Variants in NFAT5 observed in about 807,000 individuals in gnomAD.
The protein encoded by NFAT5 is nuclear factor of activated T-cells 5.
In NFAT5, 31 loss-of-function variants were observed where a neutral mutation model predicts 166.5. The ratio of observed to expected loss-of-function variants is 0.19; its 90% CI spans 0.14 to 0.25. The LOEUF (loss-of-function observed/expected upper bound fraction) is 0.25. Ranked by LOEUF, NFAT5 falls within the 10% of genes least tolerant of loss-of-function variation. The pLI, the probability that NFAT5 is intolerant of heterozygous loss-of-function variation, is 1.00. For synonymous variants in NFAT5, 612 were observed against 639.7 expected, an observed-to-expected ratio of 0.96 and a Z score of 0.65; for missense variants, 1,449 against 1,821.8, an observed-to-expected ratio of 0.80 and a Z score of 3.72.
rs934156472 is a variant in NFAT5, at chr16:69,700,414, A to T, written c.*4063A>T. 7.9e-5 allele frequency: 12 copies of T among 152,198 alleles called. No individual in the cohort carries two copies. The highest frequency in any genetic ancestry group is 1.6e-4 in the Non-Finnish European group (11 of 68,036). 9.4% of individuals were successfully genotyped at this position (152,198 alleles called of 1,614,324 possible). ...TTTTTGACCATTTAAGCCTTTATAAATGCGTTTTGACCATTTAAGCCTTTA... is the reference window on the plus strand; with the variant it reads ...TTTTTGACCATTTAAGCCTTTATAATTGCGTTTTGACCATTTAAGCCTTTA... On this transcript the variant is annotated 3_prime_UTR_variant, in exon 15 of 15. Coordinates refer to ENST00000349945, the MANE Select transcript of NFAT5 (RefSeq NM_138713.4).
At chr16:69,608,865 T>C (rs2033559802) in intron 2 of NFAT5, among the ~76,000 whole-genome samples, 1 of 151,020 alleles carries the variant, frequency 6.6e-6, no homozygotes, top group African/African-American at 2.4e-5. Context: ...CTCACGCCTG[T>C]AATTCCAGCA....
intron 8 of NFAT5, 54 bp from the exon 9 acceptor site, chr16:69,670,182 C>G (rs750838989): frequency 4.4e-4 from 695 of 1,569,720 alleles, no homozygotes; most frequent in Non-Finnish European, 5.7e-4. Flanking sequence ...GTCATAGCTA[C>G]AGAGTAAAAA....
chr16:69,692,580 C>A lies in NFAT5; in HGVS notation c.2755C>A (p.Gln919Lys). 6.2e-7 allele frequency: 1 copy of A among 1,614,206 alleles called. No homozygotes were observed. Among genetic ancestry groups the A allele is most frequent in the Non-Finnish European group, 8.5e-7 (1 of 1,180,034 alleles). ...ESSAAMVMEM[Q>K]QSICQAAAQI... ...TTCAGCCGCAATGGTGATGGAGATG[C>A]AACAGAGTATCTGCCAGGCAGCTGC... Residue 919 changes from glutamine (Q) to lysine (K), a missense_variant, in exon 13 of 15, where the codon CAA becomes AAA. Physicochemically the swap from Gln to Lys is moderately conservative, Grantham distance 53. Around this residue, in one of 7 missense-constraint regions of NFAT5, gnomAD observed 891 missense variants for 993.0 expected, o/e 0.90. Coordinates refer to ENST00000349945, the MANE Select transcript of NFAT5 (RefSeq NM_138713.4).
At position 69,702,267 on chromosome 16, in the gene NFAT5, A is replaced by G. The variant is rs1051713337; in HGVS notation, c.*5916A>G. 2.0e-5 allele frequency: 3 copies of G among 152,596 alleles called. No individual in the cohort carries two copies. The highest frequency in any genetic ancestry group is 2.9e-5 in the Non-Finnish European group (2 of 68,026). 9.5% of individuals were successfully genotyped at this position (152,596 alleles called of 1,614,324 possible). A position where few individuals can be genotyped will look rare whatever the true frequency, so the allele number is the denominator to read the frequency against. ...GAATGTTATGTCCCTTTTCTTTTGGATAGCCAACTTGGTATAAATGTTATA... is the reference window on the plus strand; with the variant it reads ...GAATGTTATGTCCCTTTTCTTTTGGGTAGCCAACTTGGTATAAATGTTATA... On this transcript the variant is annotated 3_prime_UTR_variant, in exon 15 of 15. Coordinates refer to ENST00000349945, the MANE Select transcript of NFAT5 (RefSeq NM_138713.4).
At chr16:69,580,225 C>T (rs147285080) in intron 2 of NFAT5, among the ~76,000 whole-genome samples, 2,597 of 151,774 alleles carry the variant, frequency 0.017, 30 homozygotes, top group Non-Finnish European at 0.028. Context: ...AATGTAACTA[C>T]ATTACATATT....
intron 2 of NFAT5, among the ~76,000 whole-genome samples, chr16:69,582,280 TAAATA>T (rs1296034565): frequency 6.6e-6 from 1 of 151,914 alleles, no homozygotes; most frequent in African/African-American, 2.4e-5. Context: ...AATAAGTAAA[TAAATA>T]AAATAAAATA....
chr16:69,644,318 A>G (rs959698755), intron 3 of NFAT5, among the ~76,000 whole-genome samples: 3 of 152,176 alleles, frequency 2.0e-5, no homozygotes, highest in African/African-American at 7.2e-5. Context: ...TTTAAAAAAA[A>G]TTATTTCATT....
At chr16:69,634,197 C>T (rs1247085650) in intron 3 of NFAT5, among the ~76,000 whole-genome samples, 3 of 146,924 alleles carry the variant, frequency 2.0e-5, no homozygotes, top group Non-Finnish European at 3.0e-5. Context: ...GAGAATCACT[C>T]GAACCTGGGA....
At chr16:69,594,451 T>G (rs1238681286) in intron 2 of NFAT5, among the ~76,000 whole-genome samples, 1 of 152,212 alleles carries the variant, frequency 6.6e-6, no homozygotes, top group Non-Finnish European at 1.5e-5. Flanking sequence ...TAAGTCTTTA[T>G]GTATCTTTTA....
At position 69,640,085 on chromosome 16, in the gene NFAT5, A is replaced by C. The variant is rs190674202; in HGVS notation, c.254-6943A>C. On this transcript the variant is annotated intron_variant, in intron 3 of 14. Coordinates refer to ENST00000349945, the MANE Select transcript of NFAT5 (RefSeq NM_138713.4). ...GTTTTTTTAATAATCTGGAATGCTT[A>C]TTTTATATGCTGGGATGCTAGTTGT... 5.3e-3 allele frequency among the ~76,000 whole-genome samples: 809 copies of C among 152,264 alleles called. 5 individuals carry two copies. Among genetic ancestry groups the C allele is most frequent in the Non-Finnish European group, 8.2e-3 (555 of 68,014 alleles).
Position 69,658,692 on chromosome 16 carries a change from T to C in NFAT5, c.1197-1035T>C, listed in dbSNP as rs186005561. ...AAAATACAAAAGTGAGCTGGAGTGG[T>C]GGTGCGTGCCTGTAATCCCAGCTAC... On this transcript the variant is annotated intron_variant, in intron 6 of 14. Coordinates refer to ENST00000349945, the MANE Select transcript of NFAT5 (RefSeq NM_138713.4). Among the ~76,000 whole-genome samples, 19 of 152,112 alleles carry C rather than the reference T, an allele frequency of 1.2e-4. No homozygotes were observed. In the East Asian group the frequency reaches 3.7e-3, roughly 29 times the overall value.
At chr16:69,588,980 CT>C (rs945918292) in intron 2 of NFAT5, among the ~76,000 whole-genome samples, 189 of 34,362 alleles carry the variant, frequency 5.5e-3, no homozygotes, top group African/African-American at 0.013. Context: ...TTTCCTACTT[CT>C]TTTTTTTTTT....
rs988789547 is a variant in NFAT5 at position 69,702,014 on chromosome 16, G to A, written c.*5663G>A. 2 of 152,578 alleles carry A rather than the reference G, an allele frequency of 1.3e-5. No individual in the cohort carries two copies. Among genetic ancestry groups the A allele is most frequent in the Non-Finnish European group, 2.9e-5 (2 of 68,034 alleles). 9.5% of individuals were successfully genotyped at this position (152,578 alleles called of 1,614,324 possible). A position where few individuals can be genotyped will look rare whatever the true frequency, so the allele number is the denominator to read the frequency against. ...ATTCCAGCTCCTTACCACAGCGGTG[G>A]TGCTTAAAGAAAGGATCATCAGCAA... On this transcript the variant is annotated 3_prime_UTR_variant, in exon 15 of 15. Coordinates refer to ENST00000349945, the MANE Select transcript of NFAT5 (RefSeq NM_138713.4).
intron 2 of NFAT5, among the ~76,000 whole-genome samples, chr16:69,575,923 C>T (rs1201373703): frequency 6.6e-6 from 1 of 152,178 alleles, no homozygotes; most frequent in South Asian, 2.1e-4. Context: ...CCCAAGGGCA[C>T]ATATCTCGTG....
At chr16:69,614,158 T>C (rs149721946) in intron 2 of NFAT5, among the ~76,000 whole-genome samples, 57 of 149,380 alleles carry the variant, frequency 3.8e-4, no homozygotes, top group East Asian at 3.5e-3. Flanking sequence ...CTTTCTCTCT[T>C]TTTTTTTTTT....
In NFAT5 at chr16:69,693,062, G is replaced by A. The variant is rs1206862597; in HGVS notation, c.3237G>A (p.Leu1079=). The A allele has an allele frequency of 1.9e-6, 3 of 1,613,852 alleles. No homozygotes were observed. Among genetic ancestry groups the A allele is most frequent in the Non-Finnish European group, 1.7e-6 (2 of 1,180,030 alleles). Residue 1079 remains leucine (L), a synonymous_variant, in exon 13 of 15, where the codon TTG becomes TTA. Coordinates refer to ENST00000349945, the MANE Select transcript of NFAT5 (RefSeq NM_138713.4). ...EMMSLQSGNF[L]QQSSHSQAQL... ...TGTCACTTCAATCTGGAAATTTTTT[G>A]CAGCAGTCTTCTCATTCACAGGCCC... is the stretch of plus-strand genomic sequence containing the variant.
In NFAT5 at chr16:69,616,134, C is replaced by G. The variant is rs556448740; in HGVS notation, c.128-10269C>G. Among the ~76,000 whole-genome samples, 69 of 152,254 alleles carry G rather than the reference C, an allele frequency of 4.5e-4. 2 individuals carry two copies. The South Asian group carries it at 0.014, about 30-fold the overall frequency. On this transcript the variant is annotated intron_variant, in intron 2 of 14. Transcript: ENST00000349945. The stretch of plus-strand genomic sequence containing the variant: ...GGCTGCCTATCTACGGAAATGCCCT[C>G]TTTAGTCAGTCTTCTACTTTCCCAC...
At chr16:69,589,545 AT>A (rs1203041978) in intron 2 of NFAT5, among the ~76,000 whole-genome samples, 1 of 152,190 alleles carries the variant, frequency 6.6e-6, no homozygotes, top group African/African-American at 2.4e-5. Context: ...GGCAAAAAAA[AT>A]TTTAGCAGTT....
At chr16:69,627,568 A>G (rs1166437208) in intron 3 of NFAT5, among the ~76,000 whole-genome samples, 1 of 152,078 alleles carries the variant, frequency 6.6e-6, no homozygotes, top group African/African-American at 2.4e-5. Flanking sequence ...ATAACTTCAG[A>G]TATATTTCTC....
Sources: allele counts gnomAD v4.1 joint callset (sites outside exome capture counted in the v4.1 genomes callset), GRCh38; gene constraint gnomAD v4.1.1; regional missense constraint gnomAD v4.1.1; transcripts MANE v1.5; gene names NCBI Gene and HGNC (gene_info 2026-07-23, HGNC 2026-07-21).